Variants in C2CD2L observed in about 807,000 individuals in gnomAD.
C2CD2L encodes the protein phospholipid transfer protein C2CD2L.
A neutral mutation model predicts 69.9 loss-of-function variants in C2CD2L; 24 were observed. The ratio of observed to expected loss-of-function variants is 0.34; its 90% CI spans 0.25 to 0.48. The LOEUF is 0.48. Among genes scored for constraint, C2CD2L ranks in the 20% least tolerant of loss-of-function variants. C2CD2L has a pLI of 0.99. For synonymous variants in C2CD2L, 367 were observed against 391.0 expected (o/e 0.94, Z 0.72); for missense variants, 811 against 941.5 (o/e 0.86, Z 1.81).
In C2CD2L at chr11:119,110,564, C is replaced by T. The variant is rs1162246181; in HGVS notation, c.454C>T (p.Leu152=). The T allele has an allele frequency of 6.2e-7, 1 of 1,607,938 alleles. No homozygotes were observed. The change falls in exon 3 of 14, where the codon CTG becomes TTG. Residue 152 remains leucine, a synonymous_variant. Transcript: ENST00000648610. The surrounding 1 kb of genome is among the most constrained non-coding windows in gnomAD (Gnocchi z 5.7). ...TGACCCACCTCGCCGGTCTCAGGTG[C>T]TGCGTTGCCAGCTCTCTGCTGAGGA... ...CVDQSEHTMV[L]RCQLSAEEVR...
chr11:119,103,228 A>AT (rs1946537391), upstream of C2CD2L, among the ~76,000 whole-genome samples: 5 of 152,166 alleles, frequency 3.3e-5, no homozygotes, highest in Admixed American at 2.6e-4. Flanking sequence ...ATTCCCCGAC[A>AT]GGCTCTTAGG....
chr11:119,112,340 C>G lies in C2CD2L; in HGVS notation c.1032C>G (p.Pro344=). Residue 344 remains proline (P), a synonymous_variant, in exon 8 of 14, where the codon CCC becomes CCG. Transcript: ENST00000648610. ...TCTTGTCCCACAGGGATCTGGGCCCCCAGAGCCGGGAGCTGACCCTCAAAG... is the reference window on the plus strand; with the variant it reads ...TCTTGTCCCACAGGGATCTGGGCCCGCAGAGCCGGGAGCTGACCCTCAAAG... The part of the protein sequence containing the change: ...WTEDLALDLG[P]QSRELTLKVL... 1 of 1,612,708 alleles carries G rather than the reference C, an allele frequency of 6.2e-7. No homozygotes were observed. Among genetic ancestry groups the G allele is most frequent in the Non-Finnish European group, 8.5e-7 (1 of 1,179,760 alleles).
At chr11:119,108,216 T>G in intron 1 of C2CD2L, 121 bp downstream of exon 1, 1 of 606,412 alleles carries the variant, frequency 1.6e-6, no homozygotes, top group Non-Finnish European at 2.8e-6. Context: ...ATGGCTTCTC[T>G]TCCCCTCCCG....
In C2CD2L at chr11:119,107,882, C is replaced by A. The variant is rs767459404; in HGVS notation, c.141C>A (p.Gly47=). 12 of 1,517,854 alleles carry A rather than the reference C, an allele frequency of 7.9e-6. No individual in the cohort carries two copies. In the South Asian group the frequency reaches 1.2e-4, roughly 15 times the overall value. The allele number at this position is 1,517,854 out of a possible 1,614,324, so 94.0% of individuals were successfully genotyped here. A position where few individuals can be genotyped will look rare whatever the true frequency, so the allele number is the denominator to read the frequency against. The change falls in exon 1 of 14, where the codon GGC becomes GGA. Residue 47 remains glycine (G), a synonymous_variant. Transcript: ENST00000648610. The surrounding 1 kb of genome is among the most constrained non-coding windows in gnomAD (Gnocchi z 5.4). ...LWLARARGDR[G]PGPALAGEPA... ...TGGCGCGGGCCCGCGGGGACCGGGG[C>A]CCGGGACCCGCCTTAGCCGGGGAAC...
In C2CD2L at chr11:119,111,151, T is replaced by C. The variant is rs750068151; in HGVS notation, c.781T>C (p.Ser261Pro). The change falls in exon 5 of 14, where the codon TCT becomes CCT. Residue 261 changes from serine to proline, a missense_variant. Physicochemically the swap from Ser to Pro is moderately conservative, Grantham distance 74. Coordinates refer to ENST00000648610, the MANE Select transcript of C2CD2L (RefSeq NM_001290474.2). ...CATGATGGTCAACCTCAGGGCTTGC[T>C]CTGCCCCAGGAGGCCTGGTGAGTTG... ...PAMMVNLRACSAPGGLVPSEK... is the reference protein window; with the variant it reads ...PAMMVNLRACPAPGGLVPSEK... 1 of 1,613,882 alleles carries C rather than the reference T, an allele frequency of 6.2e-7. No homozygotes were observed. Among genetic ancestry groups the C allele is most frequent in the South Asian group, 1.1e-5 (1 of 91,082 alleles).
chr11:119,112,413 G>A (rs745864092), intron 8 of C2CD2L, 21 bp downstream of exon 8: 1 of 1,613,252 alleles, frequency 6.2e-7, no homozygotes, highest in African/African-American at 1.3e-5. Flanking sequence ...GGTGGGAGGG[G>A]CACCCCTGGG....
upstream of C2CD2L, among the ~76,000 whole-genome samples, chr11:119,106,179 C>T (rs964992160): frequency 3.3e-5 from 5 of 152,258 alleles, no homozygotes; most frequent in African/African-American, 1.2e-4. Flanking sequence ...TCAGACAAAC[C>T]TGTTGCTGAC....
rs1166364707 is a variant in C2CD2L at position 119,116,176 on chromosome 11, A to T, written c.2041A>T (p.Ser681Cys). 1 of 1,614,268 alleles carries T rather than the reference A, an allele frequency of 6.2e-7. No individual in the cohort carries two copies. Reference sequence around the variant, plus strand: ...GCCCAGTGTCCGAAAGAAGGCCGGCAGCTTTTCTCGCCGCCTTATCAAGCG... The same window carrying T: ...GCCCAGTGTCCGAAAGAAGGCCGGCTGCTTTTCTCGCCGCCTTATCAAGCG... ...ATPSVRKKAGSFSRRLIKRFS... is the reference protein window; with the variant it reads ...ATPSVRKKAGCFSRRLIKRFS... Residue 681 changes from serine (S) to cysteine (C), a missense_variant, in exon 14 of 14, where the codon AGC becomes TGC. Physicochemically the swap from Ser to Cys is moderately radical, Grantham distance 112. Transcript: ENST00000648610.
At chr11:119,111,959 ATG>A in intron 7 of C2CD2L, 1 of 444,596 alleles carries the variant, frequency 2.2e-6, no homozygotes, top group Non-Finnish European at 4.1e-6. Context: ...AGTAGGCTTC[ATG>A]GAGGAGATGA....
In C2CD2L at chr11:119,107,922, C is replaced by A; in HGVS notation, c.181C>A (p.Arg61=). Residue 61 remains arginine, a synonymous_variant, in exon 1 of 14, where the codon CGG becomes AGG. Coordinates refer to ENST00000648610, the MANE Select transcript of C2CD2L (RefSeq NM_001290474.2). This position sits in a 1 kb window ranked among gnomAD's most constrained non-coding sequence, Gnocchi z 5.4. ...AGCCGGGGAACCCGCGGGTTCCCTG[C>A]GGGAGCTGGGCGTGTGGCGCTCGCT... The part of the protein sequence containing the change: ...ALAGEPAGSL[R]ELGVWRSLLR... 1 of 1,535,160 alleles carries A rather than the reference C, an allele frequency of 6.5e-7. No homozygotes were observed. Among genetic ancestry groups the A allele is most frequent in the Non-Finnish European group, 8.7e-7 (1 of 1,146,934 alleles).
chr11:119,113,786 T>C (rs763696750), intron 11 of C2CD2L, 69 bp from the exon 12 acceptor site: 50 of 1,612,404 alleles, frequency 3.1e-5, no homozygotes, highest in Middle Eastern at 3.3e-4. Flanking sequence ...CTGGGTGGGA[T>C]AGGAGGAGTT....
At position 119,114,977 on chromosome 11, in the gene C2CD2L, C is replaced by G. The variant is rs1214582700; in HGVS notation, c.1909+612C>G. ...CAAAAAAAATTTTTTTTTTCCATGG[C>G]TGGGCACGGTGGTTAATGCCTGTAA... On this transcript the variant is annotated intron_variant, in intron 13 of 13. Coordinates refer to ENST00000648610, the MANE Select transcript of C2CD2L (RefSeq NM_001290474.2). The surrounding 1 kb of genome is among the most constrained non-coding windows in gnomAD (Gnocchi z 5.1). 1 of 150,046 alleles carries G rather than the reference C, an allele frequency of 6.7e-6. No homozygotes were observed. The highest frequency in any genetic ancestry group is 2.5e-5 in the African/African-American group (1 of 39,626). 9.3% of individuals were successfully genotyped at this position (150,046 alleles called of 1,614,324 possible). A position where few individuals can be genotyped will look rare whatever the true frequency, so the allele number is the denominator to read the frequency against.
At position 119,107,502 on chromosome 11, in the gene C2CD2L, G is replaced by C; in HGVS notation, c.-240G>C. 1 of 363,442 alleles carries C rather than the reference G, an allele frequency of 2.8e-6. No homozygotes were observed. The allele number at this position is 363,442 out of a possible 1,614,324, so 22.5% of individuals were successfully genotyped here. Reference sequence around the variant, plus strand: ...CCGGCGACTAACGGGTCCGACTGCTGACCAAGCTAGGAGAGACCCGGACCA... The same window carrying C: ...CCGGCGACTAACGGGTCCGACTGCTCACCAAGCTAGGAGAGACCCGGACCA... On this transcript the variant is annotated 5_prime_UTR_variant, in exon 1 of 14. Transcript: ENST00000648610. The surrounding 1 kb of genome is among the most constrained non-coding windows in gnomAD (Gnocchi z 5.4).
chr11:119,110,044 G>A lies in C2CD2L; in HGVS notation c.355-60G>A. On this transcript the variant is annotated intron_variant, in intron 1 of 13. Coordinates refer to ENST00000648610, the MANE Select transcript of C2CD2L (RefSeq NM_001290474.2). The surrounding 1 kb of genome is among the most constrained non-coding windows in gnomAD (Gnocchi z 5.7). ...GCAGAGTCCAGCCAGCAACTGAGCAGGCCAACCCTGTGGGGGGCAGCTCCA... is the reference window on the plus strand; with the variant it reads ...GCAGAGTCCAGCCAGCAACTGAGCAAGCCAACCCTGTGGGGGGCAGCTCCA... 7.8e-7 allele frequency: 1 copy of A among 1,283,248 alleles called. No individual in the cohort carries two copies. The highest frequency in any genetic ancestry group is 1.1e-6 in the Non-Finnish European group (1 of 878,924). The allele number at this position is 1,283,248 out of a possible 1,614,324, so 79.5% of individuals were successfully genotyped here.
At chr11:119,102,788 A>G (rs1481959794), upstream of C2CD2L, among the ~76,000 whole-genome samples, 1 of 140,434 alleles carries the variant, frequency 7.1e-6, no homozygotes, top group Non-Finnish European at 1.5e-5. Flanking sequence ...GTCACTGTGC[A>G]TTTTGCTTGG....
At chr11:119,113,558 T>TG (rs1946805007) in intron 10 of C2CD2L, 53 bp from the exon 11 acceptor site, 1 of 1,562,380 alleles carries the variant, frequency 6.4e-7, no homozygotes, top group Non-Finnish European at 8.7e-7. Context: ...ACAGTAGGGG[T>TG]GGGGGCCACT....
chr11:119,102,423 G>A (rs10790282), upstream of C2CD2L: 218,390 of 441,840 alleles, frequency 0.49, 58,338 homozygotes, highest in Admixed American at 0.66. Flanking sequence ...TTGGAAGGAT[G>A]GTGTAAATTC....
Position 119,114,184 on chromosome 11 carries a change from T to C in C2CD2L, c.1728T>C (p.Pro576=), listed in dbSNP as rs1592243584. 6.2e-7 allele frequency: 1 copy of C among 1,613,996 alleles called. No individual in the cohort carries two copies. The highest frequency in any genetic ancestry group is 2.2e-5 in the East Asian group (1 of 44,854). Residue 576 remains proline, a synonymous_variant, in exon 13 of 14, where the codon CCT becomes CCC. Transcript: ENST00000648610. This position sits in a 1 kb window ranked among gnomAD's most constrained non-coding sequence, Gnocchi z 5.1. ...DAGTSGGPSS[P]PSDPPAMSPG... ...GGACCAGCGGAGGCCCCTCTTCACCTCCCTCAGACCCACCAGCCATGTCTC... is the reference window on the plus strand; with the variant it reads ...GGACCAGCGGAGGCCCCTCTTCACCCCCCTCAGACCCACCAGCCATGTCTC...
chr11:119,105,537 G>A (rs1946566128), upstream of C2CD2L, among the ~76,000 whole-genome samples: 1 of 152,152 alleles, frequency 6.6e-6, no homozygotes, highest in Middle Eastern at 3.4e-3. Flanking sequence ...CTACTTGGTA[G>A]GCTGAGGCAG....
Sources: allele counts gnomAD v4.1 joint callset (sites outside exome capture counted in the v4.1 genomes callset), GRCh38; gene constraint gnomAD v4.1.1; non-coding constraint Gnocchi (gnomAD v3.1); transcripts MANE v1.5; gene names NCBI Gene and HGNC (gene_info 2026-07-23, HGNC 2026-07-21).